Variants in ARID1B observed in about 807,000 individuals in gnomAD.
The protein encoded by ARID1B is AT-rich interactive domain-containing protein 1B.
Under a neutral mutation model 212.3 loss-of-function variants are expected in ARID1B, and 30 were observed. The ratio of observed to expected loss-of-function variants is 0.14; its 90% CI spans 0.11 to 0.19. ARID1B has a LOEUF of 0.19. Ranked by LOEUF, ARID1B falls within the 10% of genes least tolerant of loss-of-function variation. The pLI, the probability that ARID1B is intolerant of heterozygous loss-of-function variation, is 1.00. For synonymous variants in ARID1B, 1,402 were observed against 1,301.7 expected, an observed-to-expected ratio of 1.08 and a Z score of -1.66; for missense variants, 2,891 against 3,204.0, an observed-to-expected ratio of 0.90 and a Z score of 2.36.
At chr6:157,001,827 T>C (rs949750961) in intron 4 of ARID1B, among the ~76,000 whole-genome samples, 6 of 152,120 alleles carry the variant, frequency 3.9e-5, no homozygotes, top group Admixed American at 1.3e-4. Flanking sequence ...AAAGGGGAGA[T>C]GGTGGTCTCC....
chr6:156,983,719 C>G (rs1442920941), intron 4 of ARID1B, among the ~76,000 whole-genome samples: 1 of 152,060 alleles, frequency 6.6e-6, no homozygotes, highest in Admixed American at 6.5e-5. Context: ...CCACCTCATC[C>G]GTGTGAGCCC....
In ARID1B at chr6:157,148,748, T is replaced by C; in HGVS notation, c.2886T>C (p.Gly962=). The C allele has an allele frequency of 2.5e-6, 4 of 1,613,228 alleles. No individual in the cohort carries two copies. Among genetic ancestry groups the C allele is most frequent in the Non-Finnish European group, 2.5e-6 (3 of 1,179,966 alleles). ...MHGQGPSQPC[G]AVPLGRMPSA... The stretch of plus-strand genomic sequence containing the variant: ...GACAAGGGCCAAGCCAGCCATGTGG[T>C]GCTGTGCCCCTGGGACGAATGCCAT... The change falls in exon 8 of 20, where the codon GGT becomes GGC. Residue 962 remains glycine (G), a synonymous_variant. Transcript: ENST00000636930. This position sits in a 1 kb window ranked among gnomAD's most constrained non-coding sequence, Gnocchi z 5.6.
intron 6 of ARID1B, among the ~76,000 whole-genome samples, chr6:157,114,012 T>C (rs1334177842): frequency 6.6e-6 from 1 of 152,208 alleles, no homozygotes; most frequent in Non-Finnish European, 1.5e-5. Flanking sequence ...AACATCTGTT[T>C]GTTGGACCAT....
intron 1 of ARID1B, 43 bp from the exon 2 acceptor site, chr6:156,829,184 T>TA: frequency 6.5e-7 from 1 of 1,527,566 alleles, no homozygotes; most frequent in Non-Finnish European, 8.9e-7. Flanking sequence ...GCCTTTGTAA[T>TA]AAAGAATGAA....
At chr6:156,848,829 C>A (rs1204004739) in intron 2 of ARID1B, among the ~76,000 whole-genome samples, 1 of 152,200 alleles carries the variant, frequency 6.6e-6, no homozygotes, top group Non-Finnish European at 1.5e-5. Flanking sequence ...TGCTGCCTCG[C>A]TAAGTCTTAG....
chr6:156,890,964 G>A (rs9480403), intron 2 of ARID1B, among the ~76,000 whole-genome samples: 17,354 of 152,130 alleles, frequency 0.11, 1,189 homozygotes, highest in East Asian at 0.3. Context: ...TAAGAAAGAG[G>A]GGAGGAAAAG....
chr6:156,895,928 C>A (rs1263167770), intron 2 of ARID1B, among the ~76,000 whole-genome samples: 1 of 152,216 alleles, frequency 6.6e-6, no homozygotes, highest in Non-Finnish European at 1.5e-5. Context: ...ACAGTATACA[C>A]TAATATCTTA....
rs368993084 is a variant in ARID1B at position 157,200,851 on chromosome 6, C to T, written c.4626C>T (p.Ile1542=). 6.2e-7 allele frequency: 1 copy of T among 1,614,074 alleles called. No homozygotes were observed. Among genetic ancestry groups the T allele is most frequent in the Non-Finnish European group, 8.5e-7 (1 of 1,180,036 alleles). ...ACTCGGGCCCGGACCGCAGGCCCATCCAGGGCCAGTACCCGTATCCCTACA... is the reference window on the plus strand; with the variant it reads ...ACTCGGGCCCGGACCGCAGGCCCATTCAGGGCCAGTACCCGTATCCCTACA... ...GSYSGPDRRP[I]QGQYPYPYSR... The change falls in exon 18 of 20, where the codon ATC becomes ATT. Residue 1542 remains isoleucine (I), a synonymous_variant. Coordinates refer to ENST00000636930, the MANE Select transcript of ARID1B (RefSeq NM_001374828.1). This position sits in a 1 kb window ranked among gnomAD's most constrained non-coding sequence, Gnocchi z 4.3.
rs544767610 is a variant in ARID1B at position 156,778,283 on chromosome 6, G to A, written c.603G>A (p.Gln201=). Reference sequence around the variant, plus strand: ...TAAACCAGTTCCAGCAGCAGCAGCAGCAGCAGCAACAGCAGCAGCAGCAGC... The same window carrying A: ...TAAACCAGTTCCAGCAGCAGCAGCAACAGCAGCAACAGCAGCAGCAGCAGC... ...QQLNQFQQQQ[Q]QQQQQQQQQQ... The change falls in exon 1 of 20, where the codon CAG becomes CAA. Residue 201 remains glutamine, a synonymous_variant. Transcript: ENST00000636930. 17 of 1,540,890 alleles carry A rather than the reference G, an allele frequency of 1.1e-5. No individual in the cohort carries two copies. In the East Asian group the frequency reaches 3.2e-4, roughly 29 times the overall value.
chr6:157,111,222 T>A (rs1232969937), intron 6 of ARID1B: 1 of 152,652 alleles, frequency 6.6e-6, no homozygotes, highest in Non-Finnish European at 1.5e-5. Flanking sequence ...AGCTCAGTCC[T>A]GCCTGTCATC....
chr6:156,816,430 T>C (rs1441527894), intron 1 of ARID1B, among the ~76,000 whole-genome samples: 1 of 152,182 alleles, frequency 6.6e-6, no homozygotes, highest in Non-Finnish European at 1.5e-5. Flanking sequence ...TGGTTGTCCA[T>C]TGGGTGTCAG....
intron 8 of ARID1B, chr6:157,166,042 T>C (rs1468308770): frequency 6.6e-6 from 1 of 152,056 alleles, no homozygotes; most frequent in Admixed American, 6.5e-5. Context: ...GAAACATGAG[T>C]AGCCAAAACT....
upstream of ARID1B, chr6:156,776,534 C>G (rs1778633564): frequency 6.6e-6 from 1 of 152,216 alleles, no homozygotes; most frequent in Admixed American, 6.5e-5. Context: ...AAGATACGAG[C>G]TAACCCATAG....
intron 4 of ARID1B, among the ~76,000 whole-genome samples, chr6:156,970,298 G>C (rs1425319814): frequency 1.3e-5 from 2 of 152,102 alleles, no homozygotes; most frequent in Admixed American, 6.5e-5. Context: ...TACCAGGCTA[G>C]TCTTGAACTC....
chr6:156,778,404 C>G lies in ARID1B; in HGVS notation c.724C>G (p.His242Asp). Residue 242 changes from histidine (H) to aspartate (D), a missense_variant, in exon 1 of 20, where the codon CAT becomes GAT. Physicochemically the swap from His to Asp is moderately conservative, Grantham distance 81 (BLOSUM62 -1). This residue lies in a region of ARID1B where 1,643 missense variants were observed against 1,544.0 expected (regional missense o/e 1.06). Transcript: ENST00000636930. ...CGGCCCCGACATGGAGCAGCCGCAA[C>G]ATGGAGGCGCCAAGGACAGTGCTGC... ...QPGPDMEQPQ[H>D]GGAKDSAAGG... 6.5e-7 allele frequency: 1 copy of G among 1,532,742 alleles called. No individual in the cohort carries two copies. Among genetic ancestry groups the G allele is most frequent in the Non-Finnish European group, 8.7e-7 (1 of 1,144,652 alleles). The allele number at this position is 1,532,742 out of a possible 1,614,324, so 94.9% of individuals were successfully genotyped here.
At chr6:156,952,620 C>G (rs1056207143) in intron 4 of ARID1B, among the ~76,000 whole-genome samples, 1 of 152,176 alleles carries the variant, frequency 6.6e-6, no homozygotes, top group Non-Finnish European at 1.5e-5. Context: ...GATCTTGACA[C>G]CAGCCCTTGT....
chr6:156,858,591 C>A (rs891737448), intron 2 of ARID1B, among the ~76,000 whole-genome samples: 1 of 152,082 alleles, frequency 6.6e-6, no homozygotes, highest in African/African-American at 2.4e-5. Context: ...CATGGTGAAA[C>A]CCTGCCTCTA....
At chr6:156,859,152 G>A (rs762125394) in intron 2 of ARID1B, among the ~76,000 whole-genome samples, 2 of 151,988 alleles carry the variant, frequency 1.3e-5, no homozygotes, top group African/African-American at 2.4e-5. Context: ...CTTGCCTGTC[G>A]CCCAGGCTGG....
chr6:156,993,798 C>T (rs1778415529), intron 4 of ARID1B, among the ~76,000 whole-genome samples: 1 of 152,120 alleles, frequency 6.6e-6, no homozygotes, highest in South Asian at 2.1e-4. Context: ...TTGCTGTTAA[C>T]TCTTAAATTT....
Sources: allele counts gnomAD v4.1 joint callset (sites outside exome capture counted in the v4.1 genomes callset), GRCh38; gene constraint gnomAD v4.1.1; regional missense constraint gnomAD v4.1.1; non-coding constraint Gnocchi (gnomAD v3.1); transcripts MANE v1.5; gene names NCBI Gene and HGNC (gene_info 2026-07-23, HGNC 2026-07-21).